Variants in LHFPL6 observed in about 807,000 individuals in gnomAD.
The protein encoded by LHFPL6 is LHFPL tetraspan subfamily member 6, also known as LHFPL tetraspan subfamily member 6 protein.
LHFPL6 carries 9 observed loss-of-function variants against 20.6 expected under a neutral mutation model. The observed-to-expected ratio is 0.44, with a 90% CI of 0.26 to 0.76. The LOEUF (loss-of-function observed/expected upper bound fraction) is 0.76. LHFPL6 is among the 30% of genes least tolerant of loss of function. The probability of loss-of-function intolerance (pLI) is 0.20; values close to 1 mark genes in which losing one functional copy is unlikely to be tolerated. For synonymous variants in LHFPL6, 105 were observed against 98.7 expected, an observed-to-expected ratio of 1.06 and a Z score of -0.38; for missense variants, 218 against 253.5, an observed-to-expected ratio of 0.86 and a Z score of 0.95.
At chr13:39,441,014 C>CAATAAACCTCT (rs1210064235) in intron 2 of LHFPL6, among the ~76,000 whole-genome samples, 4 of 151,970 alleles carry the variant, frequency 2.6e-5, no homozygotes, top group African/African-American at 9.7e-5. Flanking sequence ...ACTGTAAGTC[C>CAATAAACCTCT]AATAAACCTC....
intron 2 of LHFPL6, among the ~76,000 whole-genome samples, chr13:39,398,857 G>A (rs1870910513): frequency 6.6e-6 from 1 of 152,180 alleles, no homozygotes; most frequent in South Asian, 2.1e-4. Context: ...CTCCTTATGA[G>A]AATCTAATGC....
chr13:39,397,344 C>T (rs1041523007), intron 2 of LHFPL6, among the ~76,000 whole-genome samples: 7 of 152,104 alleles, frequency 4.6e-5, no homozygotes, highest in African/African-American at 1.4e-4. Context: ...TCTGTCTTAC[C>T]ACTGTGTCAA....
chr13:39,484,760 C>T (rs1486617132), intron 2 of LHFPL6, among the ~76,000 whole-genome samples: 4 of 152,228 alleles, frequency 2.6e-5, no homozygotes, highest in South Asian at 4.1e-4. Context: ...TTGTTATATG[C>T]AGTGATTCTC....
rs1566120781 is a variant in LHFPL6 at position 39,479,038 on chromosome 13, GATAGAT to G, written c.386-100518_386-100513del. 2.8e-3 allele frequency among the ~76,000 whole-genome samples: 281 copies of G among 99,214 alleles called. 2 individuals carry two copies. The East Asian group carries it at 0.096, about 34-fold the overall frequency. The allele number at this position is 99,214 out of a possible 152,430, so 65.1% of individuals were successfully genotyped here. ...GAAGCACCAATGGGAGATAGATATA[GATAGAT>G]AGATAGATAGATAGATAGATAGATA... On this transcript the variant is annotated intron_variant, in intron 2 of 3. Transcript: ENST00000379589.
intron 2 of LHFPL6, among the ~76,000 whole-genome samples, chr13:39,421,843 T>C (rs1871497688): frequency 6.6e-6 from 1 of 152,182 alleles, no homozygotes; most frequent in Non-Finnish European, 1.5e-5. Flanking sequence ...ATATGACATA[T>C]TTGAATTCTG....
chr13:39,487,638 G>A (rs865867543), intron 2 of LHFPL6, among the ~76,000 whole-genome samples: 1 of 152,322 alleles, frequency 6.6e-6, no homozygotes, highest in East Asian at 1.9e-4. Flanking sequence ...TGGTCCATAG[G>A]ATTATGTCAG....
At position 39,580,357 on chromosome 13, in the gene LHFPL6, G is replaced by A. The variant is rs537376740; in HGVS notation, c.385+20475C>T. Reference sequence around the variant, plus strand: ...ATGGCATCTCAAATTATGATCTGTGGAGGTCAAATATATCTAGTAACACAG... The same window carrying A: ...ATGGCATCTCAAATTATGATCTGTGAAGGTCAAATATATCTAGTAACACAG... On this transcript the variant is annotated intron_variant, in intron 2 of 3. Transcript: ENST00000379589. Among the ~76,000 whole-genome samples the A allele has an allele frequency of 5.3e-5, 8 of 152,110 alleles. No homozygotes were observed. The South Asian group carries it at 1.5e-3, about 28-fold the overall frequency.
At chr13:39,402,145 A>G (rs1373189654) in intron 2 of LHFPL6, among the ~76,000 whole-genome samples, 2 of 152,286 alleles carry the variant, frequency 1.3e-5, no homozygotes, top group Non-Finnish European at 1.5e-5. Context: ...AGGTTAGAAC[A>G]ACAATATTTT....
At chr13:39,427,783 A>G (rs767244204) in intron 2 of LHFPL6, among the ~76,000 whole-genome samples, 3 of 152,200 alleles carry the variant, frequency 2.0e-5, no homozygotes, top group Non-Finnish European at 4.4e-5. Context: ...CTCGTGTTGA[A>G]TTGTAATCCC....
chr13:39,602,611 T>C (rs948367922), intron 1 of LHFPL6, among the ~76,000 whole-genome samples: 3 of 150,074 alleles, frequency 2.0e-5, no homozygotes, highest in East Asian at 1.9e-4. Flanking sequence ...ACTCCACCCA[T>C]GGAGACACAC....
intron 2 of LHFPL6, among the ~76,000 whole-genome samples, chr13:39,568,233 C>T (rs1871791419): frequency 6.6e-6 from 1 of 151,576 alleles, no homozygotes; most frequent in African/African-American, 2.4e-5. Context: ...AATACTACTT[C>T]TTACAAAATG....
rs188306988 is a variant in LHFPL6, at chr13:39,550,753, T to C, written c.385+50079A>G. 4.6e-5 allele frequency among the ~76,000 whole-genome samples: 7 copies of C among 152,282 alleles called. No homozygotes were observed. The East Asian group carries it at 1.3e-3, about 29-fold the overall frequency. On this transcript the variant is annotated intron_variant, in intron 2 of 3. Transcript: ENST00000379589. ...AGAAATTCAGTTTACATACGCTTAT[T>C]ATTAAGTTAACAATGGGCTTTACAT... is the stretch of plus-strand genomic sequence containing the variant.
At chr13:39,518,379 A>C (rs1435276473) in intron 2 of LHFPL6, among the ~76,000 whole-genome samples, 2 of 152,194 alleles carry the variant, frequency 1.3e-5, no homozygotes, top group Non-Finnish European at 2.9e-5. Context: ...TACTTTCCCC[A>C]GTTAGATGTG....
intron 2 of LHFPL6, among the ~76,000 whole-genome samples, chr13:39,560,650 A>G (rs1026698006): frequency 1.1e-4 from 16 of 151,764 alleles, no homozygotes; most frequent in East Asian, 1.9e-4. Flanking sequence ...GTGTAGCTGG[A>G]ACTACAGGTG....
At chr13:39,392,006 C>G (rs1039617560) in intron 2 of LHFPL6, among the ~76,000 whole-genome samples, 11 of 152,300 alleles carry the variant, frequency 7.2e-5, no homozygotes, top group African/African-American at 2.6e-4. Context: ...CAACTTTTTA[C>G]TTTTCCATCT....
At chr13:39,596,120 ATATAT>A (rs1872763814) in intron 2 of LHFPL6, among the ~76,000 whole-genome samples, 1 of 152,084 alleles carries the variant, frequency 6.6e-6, no homozygotes, top group Admixed American at 6.5e-5. Flanking sequence ...TATATAATTC[ATATAT>A]TATAACATAT....
At position 39,542,646 on chromosome 13, in the gene LHFPL6, G is replaced by A. The variant is rs572954925; in HGVS notation, c.385+58186C>T. 3.2e-4 allele frequency among the ~76,000 whole-genome samples: 49 copies of A among 152,226 alleles called. No homozygotes were observed. In the South Asian group the frequency reaches 9.8e-3, roughly 30 times the overall value. ...TCTGGGAGAATCTTTTTGCCATTGT[G>A]GGAATCCACCCTGCCTGAGTAAGCT... On this transcript the variant is annotated intron_variant, in intron 2 of 3. Transcript: ENST00000379589.
Position 39,504,435 on chromosome 13 carries a change from G to A in LHFPL6, c.385+96397C>T, listed in dbSNP as rs559068020. ...TATTAGTTTACTAGAGCTCACATAT[G>A]AAGTATCACACACTGGGTGGCTTAA... On this transcript the variant is annotated intron_variant, in intron 2 of 3. Coordinates refer to ENST00000379589, the MANE Select transcript of LHFPL6 (RefSeq NM_005780.3). Among the ~76,000 whole-genome samples the A allele has an allele frequency of 3.9e-5, 6 of 152,286 alleles. No homozygotes were observed. In the South Asian group the frequency reaches 1.2e-3, roughly 32 times the overall value.
chr13:39,497,660 A>C (rs1366814090), intron 2 of LHFPL6, among the ~76,000 whole-genome samples: 1 of 152,238 alleles, frequency 6.6e-6, no homozygotes, highest in Non-Finnish European at 1.5e-5. Flanking sequence ...ACAGGAGTCA[A>C]TAACTGATAA....
Sources: gnomAD v4.1 joint callset for allele counts (sites outside exome capture counted in the v4.1 genomes callset) on GRCh38, gnomAD v4.1.1 for gene constraint, MANE v1.5 for transcripts, NCBI Gene and HGNC (gene_info 2026-07-23, HGNC 2026-07-21) for gene names.